Variants in OLFM2 observed in about 807,000 individuals in gnomAD.
OLFM2 encodes the protein olfactomedin 2.
Under a neutral mutation model 43.9 loss-of-function variants are expected in OLFM2, and 20 were observed. The observed-to-expected ratio is 0.46, with a 90% CI of 0.32 to 0.66. The LOEUF is 0.66. OLFM2 is among the 30% of genes least tolerant of loss of function. The probability of loss-of-function intolerance (pLI) is 0.04; values close to 1 mark genes in which losing one functional copy is unlikely to be tolerated. For missense variants in OLFM2, 416 were observed against 643.6 expected (o/e 0.65, Z 3.83); for synonymous variants, 268 against 278.6 (o/e 0.96, Z 0.38).
At chr19:9,910,439 G>T (rs1282460255) in intron 1 of OLFM2, among the ~76,000 whole-genome samples, 14 of 152,098 alleles carry the variant, frequency 9.2e-5, no homozygotes, top group Admixed American at 9.2e-4. Flanking sequence ...TGTGGAATAG[G>T]CCAGGCACTG....
chr19:9,899,996 CT>C lies in OLFM2; in HGVS notation c.63+36307del, dbSNP rs547552455. On this transcript the variant is annotated intron_variant, in intron 1 of 5. Transcript: ENST00000264833. ...CAAGTGCCTTGTCTCACGTGTCCCC[CT>C]GGCACATAGTAGGTGCATAATAAAT... Among the ~76,000 whole-genome samples the C allele has an allele frequency of 1.6e-3, 239 of 152,242 alleles. 2 individuals carry two copies. Among genetic ancestry groups the C allele is most frequent in the African/African-American group, 5.4e-3 (223 of 41,544 alleles).
chr19:9,867,661 T>C (rs1048543419), intron 1 of OLFM2, among the ~76,000 whole-genome samples: 1 of 152,116 alleles, frequency 6.6e-6, no homozygotes, highest in Admixed American at 6.6e-5. Flanking sequence ...TACCATAAGA[T>C]AGCGCCAATT....
rs527387546 is a variant in OLFM2, at chr19:9,934,956, C to T, written c.63+1348G>A. On this transcript the variant is annotated intron_variant, in intron 1 of 5. Transcript: ENST00000264833. ...CCCTGCCTATCTACCTAAAAGCCCA[C>T]CTAGCAATGTCTTCACGGACGCTGT... Among the ~76,000 whole-genome samples the T allele has an allele frequency of 1.9e-4, 29 of 152,312 alleles. 3 individuals are homozygous for T. The South Asian group carries it at 5.4e-3, about 28-fold the overall frequency.
intron 1 of OLFM2, among the ~76,000 whole-genome samples, chr19:9,883,869 T>G (rs2046562263): frequency 6.6e-6 from 1 of 152,138 alleles, no homozygotes; most frequent in African/African-American, 2.4e-5. Flanking sequence ...TTAAGCCTCA[T>G]GGTGCGCCAG....
intron 1 of OLFM2, among the ~76,000 whole-genome samples, chr19:9,909,746 G>C (rs548570973): frequency 6.6e-6 from 1 of 152,254 alleles, no homozygotes; most frequent in South Asian, 2.1e-4. Context: ...CTGTGTGCCT[G>C]GTCACTTTCC....
chr19:9,895,838 G>A (rs954292100), intron 1 of OLFM2, among the ~76,000 whole-genome samples: 5 of 151,888 alleles, frequency 3.3e-5, no homozygotes, highest in Non-Finnish European at 7.4e-5. Flanking sequence ...GTTTCACCAT[G>A]TTGGCCAGGC....
At chr19:9,895,336 T>C (rs1011934375) in intron 1 of OLFM2, among the ~76,000 whole-genome samples, 1 of 150,250 alleles carries the variant, frequency 6.7e-6, no homozygotes, top group African/African-American at 2.5e-5. Flanking sequence ...AAAAAAAAAA[T>C]TTTTTTTTAA....
At chr19:9,878,381 C>CTTTTTTTTTTTTTT (rs34231833) in intron 1 of OLFM2, among the ~76,000 whole-genome samples, 1 of 57,640 alleles carries the variant, frequency 1.7e-5, no homozygotes, top group Non-Finnish European at 3.3e-5. Flanking sequence ...TCATTTCTCT[C>CTTTTTTTTTTTTTT]TTTTTTTTTT....
Position 9,857,969 on chromosome 19 carries a change from G to T in OLFM2, c.214-108C>A. On this transcript the variant is annotated intron_variant, in intron 2 of 5. Transcript: ENST00000264833. This position sits in a 1 kb window ranked among gnomAD's most constrained non-coding sequence, Gnocchi z 5.7. Reference sequence around the variant, plus strand: ...ACAGAGGCTGTACAAACACCACACCGACGAGGCCACCTTCTCCTCCCCTGA... The same window carrying T: ...ACAGAGGCTGTACAAACACCACACCTACGAGGCCACCTTCTCCTCCCCTGA... 1 of 1,394,450 alleles carries T rather than the reference G, an allele frequency of 7.2e-7. No individual in the cohort carries two copies. Among genetic ancestry groups the T allele is most frequent in the Non-Finnish European group, 1.0e-6 (1 of 996,842 alleles). The allele number at this position is 1,394,450 out of a possible 1,614,324, so 86.4% of individuals were successfully genotyped here.
chr19:9,917,279 T>C (rs1001981019), intron 1 of OLFM2, among the ~76,000 whole-genome samples: 6 of 152,144 alleles, frequency 3.9e-5, no homozygotes, highest in Admixed American at 2.0e-4. Context: ...GCTCAAGCTA[T>C]TCTCCTGCCT....
At chr19:9,924,026 C>A (rs764680460) in intron 1 of OLFM2, among the ~76,000 whole-genome samples, 6 of 144,328 alleles carry the variant, frequency 4.2e-5, no homozygotes, top group Admixed American at 1.5e-4. Flanking sequence ...CTTGAACCCA[C>A]GAGGTGGAGG....
chr19:9,860,875 G>A (rs1435025024), intron 1 of OLFM2, 81 bp from the exon 2 acceptor site: 1 of 1,424,702 alleles, frequency 7.0e-7, no homozygotes, highest in Non-Finnish European at 9.4e-7. Context: ...GGGGGCCCAA[G>A]GAAACCACAG....
chr19:9,921,252 G>A (rs937411722), intron 1 of OLFM2, among the ~76,000 whole-genome samples: 1 of 151,956 alleles, frequency 6.6e-6, no homozygotes, highest in Non-Finnish European at 1.5e-5. Flanking sequence ...GAGTAGCTGG[G>A]ACTACAGTCA....
At chr19:9,912,724 C>A (rs10413866) in intron 1 of OLFM2, among the ~76,000 whole-genome samples, 151,316 of 151,962 alleles carry the variant, frequency 1, 75,368 homozygotes, top group Middle Eastern at 1. Flanking sequence ...GGGAAGGCGC[C>A]ATCCTGGAGC....
chr19:9,931,958 A>G lies in OLFM2; in HGVS notation c.63+4346T>C, dbSNP rs112833784. Among the ~76,000 whole-genome samples, 1,148 of 152,204 alleles carry G rather than the reference A, an allele frequency of 7.5e-3. 13 individuals are homozygous for G. Among genetic ancestry groups the G allele is most frequent in the African/African-American group, 0.026 (1,085 of 41,534 alleles). On this transcript the variant is annotated intron_variant, in intron 1 of 5. Transcript: ENST00000264833. Reference sequence around the variant, plus strand: ...AAAAGAATCCTGTGGTTTGAGAAAGAAAGACACTCTGTGTGTGTGAGGGGG... The same window carrying G: ...AAAAGAATCCTGTGGTTTGAGAAAGGAAGACACTCTGTGTGTGTGAGGGGG...
chr19:9,925,219 C>T (rs975351171), intron 1 of OLFM2, among the ~76,000 whole-genome samples: 15 of 151,966 alleles, frequency 9.9e-5, no homozygotes, highest in African/African-American at 3.1e-4. Context: ...ATCACACCAC[C>T]GCACTCTAGC....
At chr19:9,932,454 CAAAAAA>C (rs74178225) in intron 1 of OLFM2, among the ~76,000 whole-genome samples, 3 of 95,916 alleles carry the variant, frequency 3.1e-5, no homozygotes, top group Admixed American at 1.1e-4. Flanking sequence ...GACTCAGTCT[CAAAAAA>C]AAAAAAAAAA....
At chr19:9,859,305 T>TTTTA (rs71188843) in intron 2 of OLFM2, among the ~76,000 whole-genome samples, 70,112 of 150,050 alleles carry the variant, frequency 0.47, 17,221 homozygotes, top group Admixed American at 0.56. Flanking sequence ...AATTTGTAAG[T>TTTTA]TTTATTTATT....
At chr19:9,905,225 A>G (rs906615411) in intron 1 of OLFM2, among the ~76,000 whole-genome samples, 10 of 152,134 alleles carry the variant, frequency 6.6e-5, no homozygotes, top group Non-Finnish European at 1.5e-4. Flanking sequence ...TGGGAGGCCG[A>G]GGCGGGCAGA....
Sources: gnomAD v4.1 joint callset for allele counts (sites outside exome capture counted in the v4.1 genomes callset) on GRCh38, gnomAD v4.1.1 for gene constraint, Gnocchi (gnomAD v3.1) non-coding constraint, MANE v1.5 for transcripts, NCBI Gene and HGNC (gene_info 2026-07-23, HGNC 2026-07-21) for gene names.